The following SPECC1 variants were observed in gnomAD, a reference collection of about 807,000 sequenced individuals.
The protein encoded by SPECC1 is cytospin-B.
SPECC1 carries 62 observed loss-of-function variants against 104.1 expected under a neutral mutation model. The ratio of observed to expected loss-of-function variants is 0.60; its 90% confidence interval spans 0.49 to 0.74. The LOEUF (loss-of-function observed/expected upper bound fraction) is 0.74. Among genes scored for constraint, SPECC1 ranks in the 30% least tolerant of loss-of-function variants. The probability of loss-of-function intolerance (pLI) is 0.00; values close to 1 mark genes in which losing one functional copy is unlikely to be tolerated. For missense variants in SPECC1, 1,306 were observed against 1,310.5 expected (o/e 1.00, Z 0.05); for synonymous variants, 513 against 501.6 (o/e 1.02, Z -0.30).
intron 3 of SPECC1, among the ~76,000 whole-genome samples, chr17:20,149,076 C>T (rs1306410399): frequency 6.6e-6 from 1 of 152,150 alleles, no homozygotes; most frequent in African/African-American, 2.4e-5. Flanking sequence ...TAGTATCTGA[C>T]ACATAGCTTT....
chr17:20,218,330 A>G lies in SPECC1; in HGVS notation c.1864-9083A>G, dbSNP rs1296028846. 3.3e-5 allele frequency among the ~76,000 whole-genome samples: 5 copies of G among 149,362 alleles called. 1 individual carries two copies. On this transcript the variant is annotated intron_variant, in intron 4 of 14. Coordinates refer to ENST00000395527, the MANE Select transcript of SPECC1 (RefSeq NM_001243439.2). ...TAGATTATGAAACAGAGGCAGAGGGATTAAGGAATACAAGGCTTGATTCAC... is the reference window on the plus strand; with the variant it reads ...TAGATTATGAAACAGAGGCAGAGGGGTTAAGGAATACAAGGCTTGATTCAC...
intron 5 of SPECC1, among the ~76,000 whole-genome samples, chr17:20,228,229 A>T (rs953342872): frequency 6.6e-6 from 1 of 152,156 alleles, no homozygotes; most frequent in Admixed American, 6.6e-5. Context: ...GTCTTGCTCT[A>T]TCACCCTGGC....
chr17:20,318,689 C>T lies in SPECC1; in HGVS notation c.*4624C>T, dbSNP rs563879860. On this transcript the variant is annotated 3_prime_UTR_variant, in exon 15 of 15. Transcript: ENST00000395527. ...TTTGAGATGACCTACCAATGACATG[C>T]AGTAAAGGACATAACCTCACAGCCT... The T allele has an allele frequency of 1.8e-5, 4 of 226,064 alleles. No individual in the cohort carries two copies. The East Asian group carries it at 2.5e-4, about 14-fold the overall frequency. 14.0% of individuals were successfully genotyped at this position (226,064 alleles called of 1,614,324 possible). A position where few individuals can be genotyped will look rare whatever the true frequency, so the allele number is the denominator to read the frequency against.
At chr17:20,280,529 C>T (rs2040729964) in intron 12 of SPECC1, among the ~76,000 whole-genome samples, 1 of 152,130 alleles carries the variant, frequency 6.6e-6, no homozygotes, top group Admixed American at 6.5e-5. Context: ...CCACCATCTG[C>T]ATAAAAGGGG....
In SPECC1 at chr17:20,257,513, C is replaced by T. The variant is rs1258758379; in HGVS notation, c.2743C>T (p.Leu915=). 5.6e-6 allele frequency: 9 copies of T among 1,613,118 alleles called. No individual in the cohort carries two copies. The highest frequency in any genetic ancestry group is 6.8e-6 in the Non-Finnish European group (8 of 1,179,794). ...CCCCCACCTCCGCAAGAGTCCCTCA[C>T]TAGAGTCACTGAGCAGACCCCCGTC... ...PDPHLRKSPS[L]ESLSRPPSLG... is the part of the protein sequence containing the mutation. The change falls in exon 11 of 15, where the codon CTA becomes TTA. Residue 915 remains leucine, a synonymous_variant. Coordinates refer to ENST00000395527, the MANE Select transcript of SPECC1 (RefSeq NM_001243439.2).
At chr17:20,260,326 C>A (rs760054422) in intron 12 of SPECC1, 32 bp downstream of exon 12, 1 of 1,598,494 alleles carries the variant, frequency 6.3e-7, no homozygotes, top group South Asian at 1.1e-5. Flanking sequence ...CTTCCAGCTG[C>A]CCCTGGGCAG....
At chr17:20,017,461 A>G (rs962934665) in intron 1 of SPECC1, 4 of 152,938 alleles carry the variant, frequency 2.6e-5, no homozygotes, top group Admixed American at 1.3e-4. Context: ...GAAGGAACAA[A>G]CTCCAGACAC....
chr17:20,205,698 A>C lies in SPECC1; in HGVS notation c.1649A>C (p.Glu550Ala). The C allele has an allele frequency of 6.2e-7, 1 of 1,614,204 alleles. No individual in the cohort carries two copies. The highest frequency in any genetic ancestry group is 1.3e-5 in the African/African-American group (1 of 75,056). ...GTTACCTTGGAAGGGCTAAAAATGGAGAATGGATCTTTGAAGTCTCATTTG... is the reference window on the plus strand; with the variant it reads ...GTTACCTTGGAAGGGCTAAAAATGGCGAATGGATCTTTGAAGTCTCATTTG... ...CRVTLEGLKM[E>A]NGSLKSHLQG... Residue 550 changes from glutamate to alanine, a missense_variant, in exon 4 of 15, where the codon GAG (glutamate) becomes GCG (alanine). Around this residue, in one of 2 missense-constraint regions of SPECC1, gnomAD observed 1,177 missense variants for 1,139.9 expected, o/e 1.03. Transcript: ENST00000395527.
intron 3 of SPECC1, among the ~76,000 whole-genome samples, chr17:20,150,133 C>T (rs985126579): frequency 1.3e-5 from 2 of 151,410 alleles, no homozygotes; most frequent in African/African-American, 2.4e-5. Context: ...CCACCACGCC[C>T]GGCTAATTTT....
chr17:20,258,154 T>C (rs1432300304), intron 11 of SPECC1, among the ~76,000 whole-genome samples: 1 of 152,144 alleles, frequency 6.6e-6, no homozygotes, highest in Non-Finnish European at 1.5e-5. Context: ...ACCACCAAGT[T>C]TGTGGGATTT....
intron 3 of SPECC1, among the ~76,000 whole-genome samples, chr17:20,152,824 C>T (rs560240141): frequency 1.6e-4 from 24 of 152,244 alleles, no homozygotes; most frequent in African/African-American, 4.6e-4. Flanking sequence ...CGTGCCACCA[C>T]GCCTAGCTAA....
At chr17:20,295,802 G>A (rs2041331534) in intron 12 of SPECC1, among the ~76,000 whole-genome samples, 2 of 152,170 alleles carry the variant, frequency 1.3e-5, no homozygotes. Context: ...GTGTCTGTTG[G>A]CAGCATAAAT....
chr17:20,295,697 T>G (rs2041326395), intron 12 of SPECC1, among the ~76,000 whole-genome samples: 1 of 152,236 alleles, frequency 6.6e-6, no homozygotes, highest in Admixed American at 6.5e-5. Flanking sequence ...TCCTGACTTT[T>G]TAATGATCAC....
At chr17:20,097,128 C>A (rs1482726140) in intron 2 of SPECC1, among the ~76,000 whole-genome samples, 2 of 152,170 alleles carry the variant, frequency 1.3e-5, no homozygotes, top group African/African-American at 4.8e-5. Context: ...TGCAGCCCCC[C>A]ACAATCCAGT....
chr17:20,304,339 CATTTAT>C (rs780347551), intron 13 of SPECC1, among the ~76,000 whole-genome samples: 53 of 151,380 alleles, frequency 3.5e-4, no homozygotes, highest in Non-Finnish European at 5.9e-4. Flanking sequence ...TGTAGAGAAA[CATTTAT>C]ATCTCAATTA....
At chr17:20,042,941 C>T (rs1358355488) in intron 1 of SPECC1, among the ~76,000 whole-genome samples, 1 of 152,192 alleles carries the variant, frequency 6.6e-6, no homozygotes, top group Non-Finnish European at 1.5e-5. Flanking sequence ...TTTATTACCA[C>T]TTACTGGGAA....
At chr17:20,021,702 A>ATATTTTTTTT (rs1402960712) in intron 1 of SPECC1, among the ~76,000 whole-genome samples, 22 of 139,268 alleles carry the variant, frequency 1.6e-4, no homozygotes, top group African/African-American at 5.3e-4. Flanking sequence ...ATATATATAT[A>ATATTTTTTTT]TTTTTTTGTA....
chr17:20,015,675 C>G lies in SPECC1; in HGVS notation c.-22+6251C>G, dbSNP rs1180783572. Among the ~76,000 whole-genome samples the G allele has an allele frequency of 4.8e-5, 7 of 147,160 alleles. No individual in the cohort carries two copies. The South Asian group carries it at 1.5e-3, about 32-fold the overall frequency. Reference sequence around the variant, plus strand: ...TCTCGGCTCACTGCAAGCTCTGCCTCCCAGGTTCACGCCATTCTCCTGCCT... The same window carrying G: ...TCTCGGCTCACTGCAAGCTCTGCCTGCCAGGTTCACGCCATTCTCCTGCCT... On this transcript the variant is annotated intron_variant, in intron 1 of 14. Coordinates refer to ENST00000395527, the MANE Select transcript of SPECC1 (RefSeq NM_001243439.2).
At chr17:20,180,198 A>G (rs1229760660) in intron 3 of SPECC1, among the ~76,000 whole-genome samples, 1 of 152,246 alleles carries the variant, frequency 6.6e-6, no homozygotes, top group Non-Finnish European at 1.5e-5. Context: ...AGTAATATCA[A>G]ATTAGCAAAA....
Sources: allele counts gnomAD v4.1 joint callset (sites outside exome capture counted in the v4.1 genomes callset), GRCh38; gene constraint gnomAD v4.1.1; regional missense constraint gnomAD v4.1.1; transcripts MANE v1.5; gene names NCBI Gene and HGNC (gene_info 2026-07-23, HGNC 2026-07-21).